The following CLEC16A variants were observed in gnomAD, a reference collection of about 807,000 sequenced individuals.
The protein encoded by CLEC16A is C-type lectin domain containing 16A.
In CLEC16A, 51 loss-of-function variants were observed where a neutral mutation model predicts 109.5. The observed-to-expected ratio is 0.47, with a 90% CI of 0.37 to 0.59. The LOEUF is 0.59. Ranked by LOEUF, CLEC16A falls within the 20% of genes least tolerant of loss-of-function variation. CLEC16A has a pLI of 0.00. For missense variants in CLEC16A, 1,339 were observed against 1,394.0 expected, an observed-to-expected ratio of 0.96 and a Z score of 0.63; for synonymous variants, 673 against 564.2, an observed-to-expected ratio of 1.19 and a Z score of -2.73.
chr16:10,944,881 G>C, intron 1 of CLEC16A, 84 bp downstream of exon 1: 1 of 1,353,912 alleles, frequency 7.4e-7, no homozygotes. Flanking sequence ...TCTAGGAGGC[G>C]TGAGAGCGGC....
At chr16:11,053,626 C>T (rs905173609) in intron 18 of CLEC16A, among the ~76,000 whole-genome samples, 2 of 152,190 alleles carry the variant, frequency 1.3e-5, no homozygotes, top group Admixed American at 1.3e-4. Context: ...CCACCTCGGC[C>T]TCTCAAAGTG....
At chr16:11,035,846 A>G (rs2046986298) in intron 13 of CLEC16A, among the ~76,000 whole-genome samples, 1 of 152,206 alleles carries the variant, frequency 6.6e-6, no homozygotes, top group Admixed American at 6.5e-5. Context: ...TTGGTAAATG[A>G]TAAGGCCTCC....
At chr16:11,009,621 C>T (rs753360274) in intron 11 of CLEC16A, among the ~76,000 whole-genome samples, 2 of 152,126 alleles carry the variant, frequency 1.3e-5, no homozygotes, top group African/African-American at 4.8e-5. Context: ...CAAGGCTAGG[C>T]GCTGGAGTGT....
intron 19 of CLEC16A, among the ~76,000 whole-genome samples, chr16:11,075,382 G>C (rs1000741708): frequency 3.4e-5 from 4 of 117,870 alleles, no homozygotes; most frequent in Non-Finnish European, 7.2e-5. Context: ...ATATGTCTGT[G>C]TGTGTGTGTG....
chr16:11,124,844 C>G (rs1350849592), intron 21 of CLEC16A, among the ~76,000 whole-genome samples: 1 of 152,086 alleles, frequency 6.6e-6, no homozygotes, highest in Non-Finnish European at 1.5e-5. Flanking sequence ...CTCAGCACTT[C>G]GGGAGGCCAA....
At chr16:11,017,917 A>G (rs981417894) in intron 11 of CLEC16A, among the ~76,000 whole-genome samples, 1 of 151,998 alleles carries the variant, frequency 6.6e-6, no homozygotes, top group African/African-American at 2.4e-5. Flanking sequence ...CCTGGAACAG[A>G]AAAAAGACAT....
intron 22 of CLEC16A, among the ~76,000 whole-genome samples, chr16:11,141,647 A>T (rs975351908): frequency 2.6e-5 from 4 of 152,202 alleles, no homozygotes; most frequent in African/African-American, 9.6e-5. Flanking sequence ...TGGGAAGTGG[A>T]TTGGAGACAG....
intron 10 of CLEC16A, among the ~76,000 whole-genome samples, chr16:10,994,644 C>T (rs948836325): frequency 1.3e-5 from 2 of 151,948 alleles, no homozygotes; most frequent in African/African-American, 4.8e-5. Context: ...ACGGAGGTTG[C>T]AGTGAGCTAA....
intron 22 of CLEC16A, among the ~76,000 whole-genome samples, chr16:11,139,567 C>CAA (rs932430968): frequency 6.6e-6 from 1 of 152,232 alleles, no homozygotes; most frequent in Admixed American, 6.5e-5. Context: ...GCTGAAGCCT[C>CAA]AGAGTAATCA....
At chr16:11,015,526 G>T (rs1202660192) in intron 11 of CLEC16A, among the ~76,000 whole-genome samples, 1 of 152,164 alleles carries the variant, frequency 6.6e-6, no homozygotes, top group Non-Finnish European at 1.5e-5. Flanking sequence ...GGGAGCCCAC[G>T]GCAGTCAGAG....
intron 11 of CLEC16A, among the ~76,000 whole-genome samples, chr16:11,018,656 G>A (rs1329832564): frequency 6.6e-6 from 1 of 151,498 alleles, no homozygotes; most frequent in African/African-American, 2.4e-5. Context: ...GGCTGAGGCA[G>A]GAGAATGGTG....
chr16:10,989,403 G>GT (rs534239151), intron 10 of CLEC16A, among the ~76,000 whole-genome samples: 13 of 151,094 alleles, frequency 8.6e-5, no homozygotes, highest in South Asian at 2.1e-4. Flanking sequence ...GTTTTTTTTT[G>GT]TTTTTTTGTT....
At chr16:10,963,245 A>G (rs1219449191) in intron 3 of CLEC16A, among the ~76,000 whole-genome samples, 3 of 152,118 alleles carry the variant, frequency 2.0e-5, no homozygotes, top group East Asian at 1.9e-4. Context: ...CGCCAGTCCT[A>G]TTGGATGAGA....
At chr16:11,000,972 G>T (rs1050527946) in intron 10 of CLEC16A, among the ~76,000 whole-genome samples, 1 of 152,102 alleles carries the variant, frequency 6.6e-6, no homozygotes, top group African/African-American at 2.4e-5. Flanking sequence ...ATTACAAAAT[G>T]ATATCTGAAC....
chr16:11,137,897 G>A (rs1386994956), intron 22 of CLEC16A, among the ~76,000 whole-genome samples: 1 of 152,182 alleles, frequency 6.6e-6, no homozygotes, highest in Non-Finnish European at 1.5e-5. Flanking sequence ...CTAAGAATGG[G>A]AAAAACCAAC....
chr16:10,959,447 A>G (rs1429762746), intron 2 of CLEC16A, among the ~76,000 whole-genome samples: 1 of 152,110 alleles, frequency 6.6e-6, no homozygotes, highest in Non-Finnish European at 1.5e-5. Context: ...GCTGGAGTGC[A>G]TTGGCGGGAT....
chr16:11,015,574 G>A lies in CLEC16A; in HGVS notation c.1304-4619G>A, dbSNP rs115107809. Among the ~76,000 whole-genome samples, 870 of 152,264 alleles carry A rather than the reference G, an allele frequency of 5.7e-3. 12 individuals are homozygous for A. Among genetic ancestry groups the A allele is most frequent in the African/African-American group, 0.02 (827 of 41,544 alleles). The stretch of plus-strand genomic sequence containing the variant: ...CACCACCCTTTCCTGGAGCAGCTCT[G>A]CGCTCATCTGCTGACTGTGGTGGGA... On this transcript the variant is annotated intron_variant, in intron 11 of 23. Coordinates refer to ENST00000409790, the MANE Select transcript of CLEC16A (RefSeq NM_015226.3).
At chr16:11,129,821 G>A (rs983562676) in intron 22 of CLEC16A, among the ~76,000 whole-genome samples, 13 of 150,150 alleles carry the variant, frequency 8.7e-5, no homozygotes, top group African/African-American at 3.2e-4. Flanking sequence ...GGGGTGCAGT[G>A]GCACAGTCTT....
chr16:11,166,261 G>T, intron 22 of CLEC16A, 127 bp from the exon 23 acceptor site: 1 of 1,028,962 alleles, frequency 9.7e-7, no homozygotes, highest in Non-Finnish European at 1.4e-6. Context: ...AGTGAGGTCA[G>T]CCTGTTCCAG....
Sources: allele counts gnomAD v4.1 joint callset (sites outside exome capture counted in the v4.1 genomes callset), GRCh38; gene constraint gnomAD v4.1.1; transcripts MANE v1.5; gene names NCBI Gene and HGNC (gene_info 2026-07-23, HGNC 2026-07-21).